The following THOP1 variants were observed in gnomAD, a reference collection of about 807,000 sequenced individuals.
THOP1 encodes thimet oligopeptidase.
THOP1 carries 49 observed loss-of-function variants against 71.8 expected under a neutral mutation model. The observed-to-expected ratio is 0.68, with a 90% CI of 0.54 to 0.87. The LOEUF (loss-of-function observed/expected upper bound fraction) is 0.87. Ranked by LOEUF, THOP1 falls within the 40% of genes least tolerant of loss-of-function variation. The pLI is 0.00. For missense variants in THOP1, 843 were observed against 975.6 expected, an observed-to-expected ratio of 0.86 and a Z score of 1.81; for synonymous variants, 426 against 421.5, an observed-to-expected ratio of 1.01 and a Z score of -0.13.
intron 1 of THOP1, 147 bp downstream of exon 1, chr19:2,785,825 T>C: frequency 1.5e-6 from 1 of 663,954 alleles, no homozygotes; most frequent in Non-Finnish European, 2.2e-6. Flanking sequence ...TGGACGACCC[T>C]GCTCTCTCGT....
intron 11 of THOP1, among the ~76,000 whole-genome samples, 180 bp downstream of exon 11, chr19:2,810,948 C>T (rs1916447798): frequency 1.3e-5 from 2 of 152,350 alleles, no homozygotes; most frequent in Non-Finnish European, 2.9e-5. Flanking sequence ...GCTGCAGGCC[C>T]AGGGTCGGGG....
At chr19:2,787,445 A>G (rs1915774150) in intron 1 of THOP1, among the ~76,000 whole-genome samples, 1 of 152,176 alleles carries the variant, frequency 6.6e-6, no homozygotes, top group African/African-American at 2.4e-5. Flanking sequence ...CAAGTTTTTC[A>G]AATCCTAACT....
In THOP1 at chr19:2,810,412, T is replaced by A; in HGVS notation, c.1564T>A (p.Ser522Thr). The change falls in exon 10 of 13, where the codon TCG becomes ACG. Residue 522 changes from serine (S) to threonine (T), a missense_variant. Coordinates refer to ENST00000307741, the MANE Select transcript of THOP1 (RefSeq NM_003249.5). ...VWEQEPLLRM[S>T]RHYRTGSAVP... ...GGAGCAGGAGCCGCTGCTGCGGATG[T>A]CGCGGCACTACCGCACAGGCAGCGC... The A allele has an allele frequency of 6.2e-7, 1 of 1,608,560 alleles. No homozygotes were observed. The highest frequency in any genetic ancestry group is 1.1e-5 in the South Asian group (1 of 90,432).
chr19:2,793,580 C>T (rs1181649431), intron 2 of THOP1, among the ~76,000 whole-genome samples: 1 of 152,054 alleles, frequency 6.6e-6, no homozygotes, highest in Non-Finnish European at 1.5e-5. Flanking sequence ...ATCCCAGCTA[C>T]TCGGGAGGCC....
chr19:2,795,846 C>T (rs575444028), intron 3 of THOP1, among the ~76,000 whole-genome samples: 10 of 152,232 alleles, frequency 6.6e-5, no homozygotes, highest in African/African-American at 1.9e-4. Context: ...ATTCAGCCAT[C>T]GCACTGGTGA....
chr19:2,799,913 C>T lies in THOP1; in HGVS notation c.589+122C>T, dbSNP rs115504493. On this transcript the variant is annotated intron_variant, in intron 5 of 12. Transcript: ENST00000307741. The stretch of plus-strand genomic sequence containing the variant: ...TCTGTGCTGAAGGGCGGCGGGAGGC[C>T]GAAGTACGTGGACCTGACCGCCCTG... 7.0e-4 allele frequency: 619 copies of T among 882,336 alleles called. 3 individuals carry two copies. The African/African-American group carries it at 8.8e-3, about 13-fold the overall frequency. 54.7% of individuals were successfully genotyped at this position (882,336 alleles called of 1,614,324 possible). A position where few individuals can be genotyped will look rare whatever the true frequency, so the allele number is the denominator to read the frequency against.
chr19:2,798,510 C>T (rs765491088), intron 4 of THOP1, among the ~76,000 whole-genome samples: 32 of 152,216 alleles, frequency 2.1e-4, no homozygotes, highest in Admixed American at 8.5e-4. Flanking sequence ...AGTTCCAGCG[C>T]GTCCCCGCGG....
chr19:2,812,158 A>G, intron 12 of THOP1: 1 of 1,469,212 alleles, frequency 6.8e-7, no homozygotes, highest in Non-Finnish European at 9.0e-7. Flanking sequence ...TCTCTGGAGA[A>G]GGCTTGGCGT....
chr19:2,811,302 G>T (rs566613025), intron 11 of THOP1, among the ~76,000 whole-genome samples: 1 of 152,236 alleles, frequency 6.6e-6, no homozygotes, highest in Non-Finnish European at 1.5e-5. Flanking sequence ...GTGATGTTGC[G>T]TGGGCGTGCC....
intron 12 of THOP1, chr19:2,812,218 G>A (rs767560828): frequency 8.3e-5 from 126 of 1,524,514 alleles, no homozygotes; most frequent in Non-Finnish European, 1.0e-4. Context: ...TATGAAGTGC[G>A]GCCGTTACGC....
In THOP1 at chr19:2,802,838, T is replaced by C. The variant is rs561435452; in HGVS notation, c.590-2178T>C. Among the ~76,000 whole-genome samples the C allele has an allele frequency of 2.6e-5, 4 of 152,352 alleles. No individual in the cohort carries two copies. In the South Asian group the frequency reaches 8.3e-4, roughly 32 times the overall value. On this transcript the variant is annotated intron_variant, in intron 5 of 12. Coordinates refer to ENST00000307741, the MANE Select transcript of THOP1 (RefSeq NM_003249.5). The stretch of plus-strand genomic sequence containing the variant: ...ACTGATTTGTTTCTGTCCGTGTGCA[T>C]GAGGCTTCTGTCTTATTCCCGGGTT...
Position 2,811,690 on chromosome 19 carries a change from A to G in THOP1, c.1864A>G (p.Met622Val), listed in dbSNP as rs1197469938. Residue 622 changes from methionine to valine, a missense_variant, in exon 12 of 13, where the codon ATG becomes GTG. Transcript: ENST00000307741. Reference protein sequence around the residue: ...YLWSEVYSMDMFHTRFKQEGV... With the variant: ...YLWSEVYSMDVFHTRFKQEGV... ...GTGGAGCGAGGTGTATTCCATGGAC[A>G]TGTTCCACACGCGCTTCAAGCAGGA... 1.9e-6 allele frequency: 3 copies of G among 1,613,472 alleles called. No individual in the cohort carries two copies. The highest frequency in any genetic ancestry group is 2.5e-6 in the Non-Finnish European group (3 of 1,179,928).
At chr19:2,787,821 C>T (rs1915784450) in intron 1 of THOP1, among the ~76,000 whole-genome samples, 2 of 152,198 alleles carry the variant, frequency 1.3e-5, no homozygotes, top group Non-Finnish European at 2.9e-5. Flanking sequence ...GGACGCTGCT[C>T]AGCACCCTGC....
intron 1 of THOP1, 30 bp from the exon 2 acceptor site, chr19:2,790,391 C>T (rs1230325833): frequency 6.0e-6 from 9 of 1,497,414 alleles, no homozygotes; most frequent in African/African-American, 2.8e-5. Flanking sequence ...AAAGCAGACC[C>T]GCCCGGCACT....
intron 1 of THOP1, among the ~76,000 whole-genome samples, chr19:2,786,273 A>G (rs1055716451): frequency 6.6e-6 from 1 of 151,980 alleles, no homozygotes; most frequent in Non-Finnish European, 1.5e-5. Flanking sequence ...TTTGTTATTT[A>G]TTTACTTTGT....
intron 7 of THOP1, 145 bp downstream of exon 7, chr19:2,807,197 C>T (rs1303464608): frequency 3.1e-6 from 4 of 1,278,190 alleles, no homozygotes; most frequent in African/African-American, 1.5e-5. Context: ...TCCCTCACTC[C>T]CCCCGAGGGA....
intron 6 of THOP1, chr19:2,806,615 G>A (rs1916298161): frequency 2.4e-6 from 1 of 424,552 alleles, no homozygotes; most frequent in South Asian, 3.1e-5. Context: ...GGACATGGAG[G>A]TGTCCCCACA....
Position 2,813,452 on chromosome 19 carries a change from A to G in THOP1, c.*176A>G, listed in dbSNP as rs1376255150. The G allele has an allele frequency of 3.7e-6, 3 of 800,726 alleles. No homozygotes were observed. Among genetic ancestry groups the G allele is most frequent in the East Asian group, 5.5e-5 (2 of 36,364 alleles). The allele number at this position is 800,726 out of a possible 1,614,324, so 49.6% of individuals were successfully genotyped here. A position where few individuals can be genotyped will look rare whatever the true frequency, so the allele number is the denominator to read the frequency against. ...ACCCGGTCGTGGCCCACCCGGCTAG[A>G]GACGGCGTCCTCAAGGCATCTGGAG... On this transcript the variant is annotated 3_prime_UTR_variant, in exon 13 of 13. Transcript: ENST00000307741.
At chr19:2,810,187 C>T (rs1472327688) in intron 9 of THOP1, 117 bp from the exon 10 acceptor site, 1 of 1,314,778 alleles carries the variant, frequency 7.6e-7, no homozygotes, top group Non-Finnish European at 1.0e-6. Flanking sequence ...AGGGCCGGGC[C>T]CAGCGCATCA....
Sources: allele counts gnomAD v4.1 joint callset (sites outside exome capture counted in the v4.1 genomes callset), GRCh38; gene constraint gnomAD v4.1.1; transcripts MANE v1.5; gene names NCBI Gene and HGNC (gene_info 2026-07-23, HGNC 2026-07-21).